Variants in RNF217 observed in about 807,000 individuals in gnomAD.
The protein encoded by RNF217 is ring finger protein 217, also known as E3 ubiquitin-protein ligase RNF217.
A neutral mutation model predicts 57.8 loss-of-function variants in RNF217; 31 were observed. The ratio of observed to expected loss-of-function variants is 0.54; its 90% CI spans 0.40 to 0.72. The LOEUF (loss-of-function observed/expected upper bound fraction) is 0.72. Among genes scored for constraint, RNF217 ranks in the 30% least tolerant of loss-of-function variants. The pLI is 0.00. For synonymous variants in RNF217, 313 were observed against 294.0 expected (o/e 1.06, Z -0.66); for missense variants, 696 against 708.3 (o/e 0.98, Z 0.20).
At chr6:125,013,515 C>G (rs1328535751) in intron 1 of RNF217, among the ~76,000 whole-genome samples, 1 of 149,626 alleles carries the variant, frequency 6.7e-6, no homozygotes, top group Non-Finnish European at 1.5e-5. Context: ...GAAGGTCAAG[C>G]AGGTACCACA....
At chr6:125,078,595 A>G (rs533180678) in intron 4 of RNF217, among the ~76,000 whole-genome samples, 1 of 152,218 alleles carries the variant, frequency 6.6e-6, no homozygotes, top group East Asian at 1.9e-4. Flanking sequence ...CACTCCCTTG[A>G]TAACTAACAC....
chr6:125,066,264 C>T (rs542623917), intron 3 of RNF217, among the ~76,000 whole-genome samples: 124 of 152,248 alleles, frequency 8.1e-4, no homozygotes, highest in African/African-American at 2.9e-3. Context: ...TTAAACATAA[C>T]GCAGATTACA....
At chr6:125,037,311 G>C (rs773985692) in intron 1 of RNF217, among the ~76,000 whole-genome samples, 3 of 152,128 alleles carry the variant, frequency 2.0e-5, no homozygotes, top group Non-Finnish European at 4.4e-5. Context: ...TACCAGAAAC[G>C]GAGTAGCTTT....
chr6:125,065,481 A>C (rs756636647), intron 3 of RNF217, among the ~76,000 whole-genome samples: 20 of 152,140 alleles, frequency 1.3e-4, no homozygotes, highest in Non-Finnish European at 2.5e-4. Flanking sequence ...ACATACATAA[A>C]TGCCAGCCCC....
chr6:125,016,292 C>T (rs914689258), intron 1 of RNF217, among the ~76,000 whole-genome samples: 31 of 152,120 alleles, frequency 2.0e-4, no homozygotes, highest in Admixed American at 5.9e-4. Flanking sequence ...TTAGAGCACT[C>T]GAATTTTACC....
In RNF217 at chr6:124,963,195, C is replaced by T. The variant is rs1216760931; in HGVS notation, c.651C>T (p.Ser217=). ...TGTCCCTCCCAACGGATTCCCTCTC[C>T]CCCGACGGCGGCAGCATCGAGCTGG... The part of the protein sequence containing the change: ...PRLSLPTDSL[S]PDGGSIELEF... The change falls in exon 1 of 6, where the codon TCC becomes TCT. Residue 217 remains serine, a synonymous_variant. Transcript: ENST00000521654. The T allele has an allele frequency of 3.9e-6, 6 of 1,536,102 alleles. No individual in the cohort carries two copies. Among genetic ancestry groups the T allele is most frequent in the South Asian group, 1.2e-5 (1 of 84,050 alleles).
chr6:125,065,147 T>C (rs2114608851), intron 3 of RNF217, among the ~76,000 whole-genome samples: 1 of 151,818 alleles, frequency 6.6e-6, no homozygotes, highest in East Asian at 1.9e-4. Context: ...AAAAATTAGC[T>C]GGACGTAGTG....
chr6:125,074,757 G>C (rs1788302014), intron 3 of RNF217, among the ~76,000 whole-genome samples: 1 of 151,934 alleles, frequency 6.6e-6, no homozygotes, highest in Admixed American at 6.6e-5. Context: ...TAAATACACT[G>C]TATTAGGGGA....
chr6:125,076,313 A>G lies in RNF217; in HGVS notation c.1282-344A>G, dbSNP rs535031158. Among the ~76,000 whole-genome samples, 19 of 152,350 alleles carry G rather than the reference A, an allele frequency of 1.2e-4. No homozygotes were observed. In the South Asian group the frequency reaches 2.1e-3, roughly 17 times the overall value. ...CATTCTTGCTGATCATAGCATAAAC[A>G]AAATATACTTTCAAAGCATTTTAAA... On this transcript the variant is annotated intron_variant, in intron 3 of 5. Coordinates refer to ENST00000521654, the MANE Select transcript of RNF217 (RefSeq NM_001286398.3).
Position 124,994,055 on chromosome 6 carries a change from G to C in RNF217, c.882+30629G>C, listed in dbSNP as rs376827046. ...GTGTGGAGAAGGGACTGGAAAGAGG[G>C]AAGGGGTCATGATGGAAGGAAGAGG... On this transcript the variant is annotated intron_variant, in intron 1 of 5. Transcript: ENST00000521654. Among the ~76,000 whole-genome samples, 14 of 152,082 alleles carry C rather than the reference G, an allele frequency of 9.2e-5. 1 individual carries two copies. In the South Asian group the frequency reaches 1.9e-3, roughly 20 times the overall value.
chr6:125,071,800 A>C (rs749301404), intron 3 of RNF217, among the ~76,000 whole-genome samples: 9 of 152,132 alleles, frequency 5.9e-5, no homozygotes, highest in Non-Finnish European at 1.2e-4. Context: ...TAACAATTCA[A>C]ATGTCATTCA....
At chr6:125,013,796 C>G (rs1190137473) in intron 1 of RNF217, among the ~76,000 whole-genome samples, 1 of 152,140 alleles carries the variant, frequency 6.6e-6, no homozygotes. Flanking sequence ...TCTAGCAGAT[C>G]TATTTCCAAA....
chr6:125,075,629 A>G (rs1788334146), intron 3 of RNF217, among the ~76,000 whole-genome samples: 1 of 152,168 alleles, frequency 6.6e-6, no homozygotes, highest in Non-Finnish European at 1.5e-5. Context: ...GGGGATTGTT[A>G]CAATTCAAGG....
chr6:125,055,231 G>A (rs556643179), intron 2 of RNF217, among the ~76,000 whole-genome samples: 2 of 152,256 alleles, frequency 1.3e-5, no homozygotes, highest in South Asian at 4.1e-4. Context: ...GAGATAGTAA[G>A]CAATCCAGTA....
At chr6:125,006,016 T>C (rs1222691342) in intron 1 of RNF217, 1 of 152,176 alleles carries the variant, frequency 6.6e-6, no homozygotes, top group Non-Finnish European at 1.5e-5. Context: ...AATTAAATAG[T>C]TTTTGAGGCA....
At chr6:125,073,544 A>G (rs1268506711) in intron 3 of RNF217, among the ~76,000 whole-genome samples, 2 of 152,212 alleles carry the variant, frequency 1.3e-5, no homozygotes, top group African/African-American at 4.8e-5. Context: ...AATCACTATG[A>G]CTAAAAAAGT....
intron 1 of RNF217, among the ~76,000 whole-genome samples, chr6:124,986,946 T>G (rs1244089011): frequency 1.3e-5 from 2 of 152,200 alleles, no homozygotes; most frequent in African/African-American, 4.8e-5. Flanking sequence ...CAGTGTTAAT[T>G]GTAAATATTC....
At chr6:125,066,166 G>A (rs1047641946) in intron 3 of RNF217, among the ~76,000 whole-genome samples, 10 of 152,106 alleles carry the variant, frequency 6.6e-5, no homozygotes, top group Admixed American at 5.9e-4. Flanking sequence ...AGGCATCATC[G>A]TCTTTCTCTC....
Position 125,071,536 on chromosome 6 carries a change from GTA to G in RNF217, c.1282-5117_1282-5116del, listed in dbSNP as rs566500658. On this transcript the variant is annotated intron_variant, in intron 3 of 5. Coordinates refer to ENST00000521654, the MANE Select transcript of RNF217 (RefSeq NM_001286398.3). ...TGTGTGTGTGTGTGTGTGTGTGTGT[GTA>G]TATCTTATTACAGGTTTTAATCCAT... 8.8e-4 allele frequency among the ~76,000 whole-genome samples: 126 copies of G among 143,238 alleles called. 2 individuals are homozygous for G. Among genetic ancestry groups the G allele is most frequent in the East Asian group, 5.2e-3 (24 of 4,590 alleles). 94.0% of individuals were successfully genotyped at this position (143,238 alleles called of 152,430 possible). A position where few individuals can be genotyped will look rare whatever the true frequency, so the allele number is the denominator to read the frequency against.
Sources: gnomAD v4.1 joint callset for allele counts (sites outside exome capture counted in the v4.1 genomes callset) on GRCh38, gnomAD v4.1.1 for gene constraint, MANE v1.5 for transcripts, NCBI Gene and HGNC (gene_info 2026-07-23, HGNC 2026-07-21) for gene names.